Variants in FRMPD3 observed in about 807,000 individuals in gnomAD.
FRMPD3 encodes the protein FERM and PDZ domain containing 3.
Under a neutral mutation model 97.9 loss-of-function variants are expected in FRMPD3, and 42 were observed. That is an observed-to-expected ratio of 0.43 (90% CI 0.34 to 0.55). The LOEUF (loss-of-function observed/expected upper bound fraction) is 0.55, where lower values mean the gene tolerates loss of function less well. Among genes scored for constraint, FRMPD3 ranks in the 20% least tolerant of loss-of-function variants. The pLI is 0.03. For missense variants in FRMPD3, 1,303 were observed against 1,457.7 expected (o/e 0.89, Z 1.73); for synonymous variants, 577 against 581.1 (o/e 0.99, Z 0.10).
intron 4 of FRMPD3, among the ~76,000 whole-genome samples, chrX:107,541,224 C>T (rs7881898): frequency 0.14 from 16,006 of 112,397 alleles, 2,563 homozygotes; most frequent in African/African-American, 0.47. Flanking sequence ...CAAAGGAGTG[C>T]CCCTAATATT....
intron 10 of FRMPD3, among the ~76,000 whole-genome samples, chrX:107,562,153 C>G (rs1343443580): frequency 8.9e-6 from 1 of 112,366 alleles, no homozygotes; most frequent in African/African-American, 3.2e-5. Context: ...TCCATCTGTA[C>G]AAAGGCCCAG....
At chrX:107,500,077 G>A (rs1740172583) in intron 1 of FRMPD3, among the ~76,000 whole-genome samples, 1 of 111,915 alleles carries the variant, frequency 8.9e-6, no homozygotes, top group Admixed American at 9.4e-5. Context: ...CCGTAGAAAT[G>A]TCCCATTTTC....
intron 5 of FRMPD3, 111 bp downstream of exon 5, chrX:107,545,952 T>A: frequency 1.8e-6 from 1 of 569,688 alleles, no homozygotes; most frequent in Non-Finnish European, 2.9e-6. Context: ...TGGGTTAGAG[T>A]GGGAGCGTCC....
intron 1 of FRMPD3, among the ~76,000 whole-genome samples, chrX:107,454,217 C>G (rs1931340100): frequency 9.0e-6 from 1 of 111,183 alleles, no homozygotes; most frequent in Non-Finnish European, 1.9e-5. Flanking sequence ...CTTCTTACTA[C>G]CCCTCAAATC....
Position 107,597,787 on chromosome X carries a change from C to T in FRMPD3, c.1908C>T (p.Asp636=). 5.9e-6 allele frequency: 7 copies of T among 1,182,455 alleles called. No homozygotes were observed. Among genetic ancestry groups the T allele is most frequent in the Non-Finnish European group, 7.9e-6 (7 of 881,404 alleles). Residue 636 remains aspartate (D), a synonymous_variant, in exon 14 of 15, where the codon GAC becomes GAT. Transcript: ENST00000683843. ...GTGGGAAGCCTGGCTCCTCTCGTGACAATATAGTAGATTTGATGTCCCTCC... is the reference window on the plus strand; with the variant it reads ...GTGGGAAGCCTGGCTCCTCTCGTGATAATATAGTAGATTTGATGTCCCTCC... ...RKGGKPGSSR[D]NIVDLMSLPP... is the part of the protein sequence containing the mutation.
intron 12 of FRMPD3, among the ~76,000 whole-genome samples, chrX:107,569,593 A>G (rs1356949217): frequency 9.0e-6 from 1 of 110,976 alleles, no homozygotes; most frequent in Non-Finnish European, 1.9e-5. Flanking sequence ...CACACAGTGC[A>G]TCAGAGCCAG....
intron 1 of FRMPD3, among the ~76,000 whole-genome samples, chrX:107,451,449 A>G (rs1931288626): frequency 8.9e-6 from 1 of 112,019 alleles, no homozygotes. Context: ...GTTCAGCCAC[A>G]GAGGCCCTCA....
At chrX:107,595,178 G>A (rs774671191) in intron 13 of FRMPD3, among the ~76,000 whole-genome samples, 134 of 109,105 alleles carry the variant, frequency 1.2e-3, no homozygotes, top group African/African-American at 4.3e-3. Context: ...TTAGCTGGGC[G>A]TGGTGGCAGG....
intron 1 of FRMPD3, among the ~76,000 whole-genome samples, chrX:107,489,657 A>G (rs1921603709): frequency 8.9e-6 from 1 of 111,738 alleles, no homozygotes; most frequent in Admixed American, 9.4e-5. Context: ...GTCTGTTCAT[A>G]TCCTTTGCCC....
At chrX:107,507,813 C>G (rs1205738197) in intron 1 of FRMPD3, among the ~76,000 whole-genome samples, 2 of 112,413 alleles carry the variant, frequency 1.8e-5, no homozygotes, top group African/African-American at 6.5e-5. Flanking sequence ...AGAGAACACC[C>G]AGATCTTCCT....
At chrX:107,489,716 C>T (rs1288816070) in intron 1 of FRMPD3, among the ~76,000 whole-genome samples, 1 of 111,704 alleles carries the variant, frequency 9.0e-6, no homozygotes, top group African/African-American at 3.3e-5. Flanking sequence ...TCTTTGAGTT[C>T]ATTGTAGATT....
At chrX:107,460,015 C>A (rs985171036) in intron 1 of FRMPD3, among the ~76,000 whole-genome samples, 9 of 111,572 alleles carry the variant, frequency 8.1e-5, no homozygotes, top group Admixed American at 1.9e-4. Context: ...CTTCTGATTG[C>A]AGATTTGAGG....
At chrX:107,478,753 G>A (rs1921264263) in intron 1 of FRMPD3, among the ~76,000 whole-genome samples, 1 of 112,350 alleles carries the variant, frequency 8.9e-6, no homozygotes, top group Admixed American at 9.4e-5. Flanking sequence ...AGATGGCTGG[G>A]TAAAAAGCAG....
At chrX:107,588,442 T>C (rs934934189) in intron 13 of FRMPD3, among the ~76,000 whole-genome samples, 14 of 110,686 alleles carry the variant, frequency 1.3e-4, no homozygotes, top group Non-Finnish European at 2.3e-4. Flanking sequence ...TTAGTAGAGA[T>C]GGGGTTTCTC....
At chrX:107,588,295 C>A (rs1923753582) in intron 13 of FRMPD3, among the ~76,000 whole-genome samples, 1 of 108,869 alleles carries the variant, frequency 9.2e-6, no homozygotes, top group Non-Finnish European at 1.9e-5. Flanking sequence ...ACTCTTGTTG[C>A]CCAGGCTGGA....
chrX:107,493,177 C>CAAAAA (rs60695168), intron 1 of FRMPD3, among the ~76,000 whole-genome samples: 12 of 51,649 alleles, frequency 2.3e-4, no homozygotes, highest in Non-Finnish European at 2.8e-4. Flanking sequence ...GAGACCCTGT[C>CAAAAA]AAAAAAAAAA....
At chrX:107,522,927 G>A (rs1218705148) in intron 1 of FRMPD3, among the ~76,000 whole-genome samples, 6 of 110,009 alleles carry the variant, frequency 5.5e-5, no homozygotes, top group East Asian at 2.9e-4. Context: ...GTGGGGTGGC[G>A]GGGGGTGGGG....
At chrX:107,455,771 A>G (rs954858417) in intron 1 of FRMPD3, among the ~76,000 whole-genome samples, 3 of 111,770 alleles carry the variant, frequency 2.7e-5, no homozygotes, top group African/African-American at 9.8e-5. Context: ...TTGAGCACCA[A>G]TTATGTACAA....
intron 1 of FRMPD3, among the ~76,000 whole-genome samples, chrX:107,504,921 G>A (rs141241139): frequency 9.6e-4 from 107 of 111,800 alleles, no homozygotes; most frequent in Middle Eastern, 9.3e-3. Context: ...TTCCATTCAC[G>A]TCCCCAAAAC....
Sources: allele counts gnomAD v4.1 joint callset (sites outside exome capture counted in the v4.1 genomes callset), GRCh38; gene constraint gnomAD v4.1.1; transcripts MANE v1.5; gene names NCBI Gene and HGNC (gene_info 2026-07-23, HGNC 2026-07-21).